The following KLHL1 variants were observed in gnomAD, a reference collection of about 807,000 sequenced individuals.
KLHL1 encodes kelch-like protein 1.
In KLHL1, 47 loss-of-function variants were observed where a neutral mutation model predicts 77.7. That is an observed-to-expected ratio of 0.60 (90% CI 0.48 to 0.77). The LOEUF (loss-of-function observed/expected upper bound fraction) is 0.77, where lower values mean the gene tolerates loss of function less well. KLHL1 is among the 30% of genes least tolerant of loss of function. KLHL1 has a pLI of 0.00. For missense variants in KLHL1, 925 were observed against 910.8 expected (o/e 1.02, Z -0.20); for synonymous variants, 360 against 325.2 (o/e 1.11, Z -1.15).
chr13:69,756,113 G>A (rs975330300), intron 7 of KLHL1, among the ~76,000 whole-genome samples: 4 of 152,198 alleles, frequency 2.6e-5, no homozygotes, highest in Admixed American at 2.6e-4. Flanking sequence ...AGCCACATAA[G>A]TAAGTTGACC....
intron 5 of KLHL1, among the ~76,000 whole-genome samples, chr13:69,843,583 T>C (rs1163069238): frequency 6.6e-6 from 1 of 151,742 alleles, no homozygotes; most frequent in Non-Finnish European, 1.5e-5. Flanking sequence ...AATTTTAGCA[T>C]AGTATTTTTA....
intron 4 of KLHL1, among the ~76,000 whole-genome samples, chr13:69,923,970 C>G (rs1341216731): frequency 6.6e-6 from 1 of 152,232 alleles, no homozygotes; most frequent in Non-Finnish European, 1.5e-5. Context: ...TCTTCCTACT[C>G]CCGGCACCTG....
intron 7 of KLHL1, among the ~76,000 whole-genome samples, chr13:69,776,823 T>C (rs771866443): frequency 6.6e-6 from 1 of 152,192 alleles, no homozygotes; most frequent in Non-Finnish European, 1.5e-5. Flanking sequence ...TATTTTTTTC[T>C]CTTCTCTTAA....
rs529355871 is a variant in KLHL1, at chr13:69,998,078, G to A, written c.498-22276C>T. On this transcript the variant is annotated intron_variant, in intron 1 of 10. Transcript: ENST00000377844. The stretch of plus-strand genomic sequence containing the variant: ...ATTTTACACTAAGAAAAAGGCACAA[G>A]TTTTGATAGGTCCTTTACTGAAGAC... 5.3e-5 allele frequency among the ~76,000 whole-genome samples: 8 copies of A among 152,106 alleles called. No individual in the cohort carries two copies. In the South Asian group the frequency reaches 1.7e-3, roughly 32 times the overall value.
intron 1 of KLHL1, among the ~76,000 whole-genome samples, chr13:70,006,027 C>G (rs1335309149): frequency 6.6e-6 from 1 of 152,006 alleles, no homozygotes; most frequent in Non-Finnish European, 1.5e-5. Flanking sequence ...TTCTTTCCCT[C>G]AGCCACTGGC....
chr13:69,814,011 A>G (rs988136468), intron 6 of KLHL1, among the ~76,000 whole-genome samples: 1 of 152,210 alleles, frequency 6.6e-6, no homozygotes. Flanking sequence ...ATAAGGCTAC[A>G]GTAACCAAAA....
At chr13:69,966,360 G>A (rs7994975) in intron 2 of KLHL1, among the ~76,000 whole-genome samples, 93,363 of 151,890 alleles carry the variant, frequency 0.61, 28,758 homozygotes, top group South Asian at 0.65. Flanking sequence ...AGTGCTTTAG[G>A]AATGGAACTA....
chr13:69,773,606 C>T (rs1213581157), intron 7 of KLHL1, among the ~76,000 whole-genome samples: 2 of 151,734 alleles, frequency 1.3e-5, no homozygotes, highest in African/African-American at 4.8e-5. Flanking sequence ...TTTCATTGTG[C>T]ACCCTCTAAC....
intron 1 of KLHL1, among the ~76,000 whole-genome samples, chr13:70,061,425 G>A (rs991898612): frequency 6.6e-6 from 1 of 151,028 alleles, no homozygotes; most frequent in Non-Finnish European, 1.5e-5. Context: ...CTTTATTGGA[G>A]TCACTTCCAA....
At chr13:69,963,910 G>T (rs1282965993) in intron 2 of KLHL1, among the ~76,000 whole-genome samples, 1 of 151,910 alleles carries the variant, frequency 6.6e-6, no homozygotes, top group Non-Finnish European at 1.5e-5. Flanking sequence ...TTTATCTGAA[G>T]ACTTATTTAG....
intron 1 of KLHL1, among the ~76,000 whole-genome samples, chr13:70,061,792 C>G (rs1593712556): frequency 6.6e-6 from 1 of 152,028 alleles, no homozygotes; most frequent in African/African-American, 2.4e-5. Context: ...TTTGGCTTAT[C>G]TTTTTTACCT....
intron 7 of KLHL1, among the ~76,000 whole-genome samples, chr13:69,791,066 T>C (rs964300526): frequency 2.6e-5 from 4 of 151,216 alleles, no homozygotes; most frequent in African/African-American, 9.7e-5. Flanking sequence ...CACACACACA[T>C]AAAAAAGAAA....
intron 7 of KLHL1, among the ~76,000 whole-genome samples, chr13:69,776,114 C>T (rs1213849544): frequency 1.3e-5 from 2 of 151,668 alleles, no homozygotes; most frequent in African/African-American, 4.8e-5. Context: ...TGAGATCGCA[C>T]CACTGCACTC....
intron 4 of KLHL1, among the ~76,000 whole-genome samples, chr13:69,911,439 C>A (rs1244737617): frequency 6.6e-6 from 1 of 151,806 alleles, no homozygotes; most frequent in Non-Finnish European, 1.5e-5. Flanking sequence ...AAATATATTG[C>A]TGAGTAGCTC....
chr13:69,895,304 G>T (rs965364341), intron 4 of KLHL1, among the ~76,000 whole-genome samples: 13 of 151,932 alleles, frequency 8.6e-5, no homozygotes, highest in Admixed American at 2.6e-4. Context: ...TTCTTTTCTT[G>T]TTTGTGTTAG....
intron 3 of KLHL1, among the ~76,000 whole-genome samples, chr13:69,953,644 A>G (rs1258707060): frequency 6.6e-6 from 1 of 151,234 alleles, no homozygotes; most frequent in Admixed American, 6.6e-5. Flanking sequence ...ATAAAAATCC[A>G]TCTCAAATAC....
chr13:69,924,741 C>T (rs1462917549), intron 4 of KLHL1, among the ~76,000 whole-genome samples: 1 of 152,178 alleles, frequency 6.6e-6, no homozygotes, highest in Non-Finnish European at 1.5e-5. Flanking sequence ...AGAGCAGCCG[C>T]CCTTTAGGGA....
chr13:69,894,449 G>T, intron 4 of KLHL1: 1 of 166,944 alleles, frequency 6.0e-6, no homozygotes, highest in Admixed American at 6.1e-5. Flanking sequence ...CATCCAACTG[G>T]TTCAACAGTT....
chr13:69,870,264 G>A (rs1408822406), intron 5 of KLHL1, among the ~76,000 whole-genome samples: 5 of 152,094 alleles, frequency 3.3e-5, no homozygotes, highest in African/African-American at 1.2e-4. Flanking sequence ...GCAAGAGAGA[G>A]AAGCTGGGAG....
Sources: gnomAD v4.1 joint callset for allele counts (sites outside exome capture counted in the v4.1 genomes callset) on GRCh38, gnomAD v4.1.1 for gene constraint, MANE v1.5 for transcripts, NCBI Gene and HGNC (gene_info 2026-07-23, HGNC 2026-07-21) for gene names.